GRK7: variants seen among roughly 807,000 people sequenced by gnomAD.
The protein encoded by GRK7 is rhodopsin kinase GRK7.
GRK7 carries 24 observed loss-of-function variants against 34.1 expected under a neutral mutation model. The ratio of observed to expected loss-of-function variants is 0.70; its 90% CI spans 0.51 to 0.99. The LOEUF (loss-of-function observed/expected upper bound fraction) is 0.99, where lower values mean the gene tolerates loss of function less well. Ranked by LOEUF, GRK7 falls within the 50% of genes least tolerant of loss-of-function variation. GRK7 has a pLI of 0.00. For missense variants in GRK7, 644 were observed against 707.3 expected, an observed-to-expected ratio of 0.91 and a Z score of 1.02; for synonymous variants, 256 against 279.4, an observed-to-expected ratio of 0.92 and a Z score of 0.84.
intron 5 of GRK7, 63 bp downstream of exon 5, chr3:141,807,982 T>C: frequency 7.1e-7 from 1 of 1,412,068 alleles, no homozygotes; most frequent in Non-Finnish European, 9.5e-7. Context: ...ATTAGGAGAA[T>C]ACTTTTGATT....
chr3:141,791,209 G>T (rs982296370), intron 4 of GRK7, among the ~76,000 whole-genome samples: 9 of 152,228 alleles, frequency 5.9e-5, no homozygotes, highest in African/African-American at 1.9e-4. Flanking sequence ...GGGAGACAGA[G>T]GTTTGGTATT....
intron 4 of GRK7, among the ~76,000 whole-genome samples, chr3:141,798,184 A>G (rs1025184134): frequency 1.3e-5 from 2 of 152,134 alleles, no homozygotes; most frequent in Non-Finnish European, 2.9e-5. Flanking sequence ...ACCTTCCCCA[A>G]TGTCTGGACA....
At chr3:141,805,871 A>G (rs1014081806) in intron 4 of GRK7, among the ~76,000 whole-genome samples, 1 of 152,154 alleles carries the variant, frequency 6.6e-6, no homozygotes, top group South Asian at 2.1e-4. Context: ...CGTCTATCGC[A>G]CTACAGCCTC....
chr3:141,794,949 A>G (rs569314220), intron 4 of GRK7, among the ~76,000 whole-genome samples: 25 of 152,310 alleles, frequency 1.6e-4, no homozygotes, highest in Non-Finnish European at 2.9e-4. Context: ...GGAACCAGGC[A>G]AACAAATGCC....
At chr3:141,813,973 T>G (rs1711121532) in intron 5 of GRK7, among the ~76,000 whole-genome samples, 1 of 152,188 alleles carries the variant, frequency 6.6e-6, no homozygotes, top group African/African-American at 2.4e-5. Context: ...GTTATCCTCA[T>G]TCTTGTTATT....
At chr3:141,791,725 C>T (rs568825162) in intron 4 of GRK7, among the ~76,000 whole-genome samples, 1 of 152,110 alleles carries the variant, frequency 6.6e-6, no homozygotes, top group African/African-American at 2.4e-5. Flanking sequence ...GAGGGATAGC[C>T]AGGTGCCGTG....
rs916268235 is a variant in GRK7 at position 141,764,939 on chromosome 3, A to G, written c.-1014A>G. Among the ~76,000 whole-genome samples the G allele has an allele frequency of 6.6e-5, 10 of 152,020 alleles. No homozygotes were observed. The highest frequency in any genetic ancestry group is 2.9e-5 in the Non-Finnish European group (2 of 67,996). On this transcript the variant is annotated 5_prime_UTR_variant, in exon 1 of 6. Coordinates refer to ENST00000682958, the MANE Select transcript of GRK7 (RefSeq NM_139209.3). ...CCCACAATCCATCCATAAGCAAACT[A>G]TCTTCCCCCTCCCCTGATTTCTCAC... is the stretch of plus-strand genomic sequence containing the variant.
chr3:141,780,054 G>A (rs2084663645), intron 3 of GRK7, among the ~76,000 whole-genome samples: 1 of 152,184 alleles, frequency 6.6e-6, no homozygotes, highest in African/African-American at 2.4e-5. Context: ...AGGGCATATG[G>A]TGATACTATG....
chr3:141,768,313 A>C (rs1577909516), intron 1 of GRK7, among the ~76,000 whole-genome samples: 1 of 137,218 alleles, frequency 7.3e-6, no homozygotes, highest in East Asian at 2.1e-4. Context: ...TCTCTTCCCC[A>C]GGAGTGCAGT....
chr3:141,777,762 C>T (rs776368300), intron 2 of GRK7, among the ~76,000 whole-genome samples: 7 of 152,034 alleles, frequency 4.6e-5, no homozygotes, highest in Non-Finnish European at 7.4e-5. Flanking sequence ...CTGTAACCTG[C>T]TCTTCGTGTC....
upstream of GRK7, among the ~76,000 whole-genome samples, chr3:141,760,908 G>A (rs1452529484): frequency 6.7e-5 from 2 of 30,062 alleles, no homozygotes; most frequent in Non-Finnish European, 1.3e-4. Flanking sequence ...TTGGTTTAAA[G>A]TCTGTTTTAT....
intron 4 of GRK7, among the ~76,000 whole-genome samples, chr3:141,781,435 G>A (rs936255783): frequency 6.6e-6 from 1 of 151,796 alleles, no homozygotes; most frequent in African/African-American, 2.4e-5. Flanking sequence ...TACTCGGGAG[G>A]TTGAGGCAGG....
upstream of GRK7, among the ~76,000 whole-genome samples, chr3:141,762,400 G>C (rs1256811203): frequency 1.4e-5 from 2 of 145,192 alleles, no homozygotes; most frequent in Non-Finnish European, 3.0e-5. Flanking sequence ...TGCCCCTGCT[G>C]GGGGGTGCCT....
chr3:141,814,896 T>C (rs1711134439), intron 5 of GRK7, among the ~76,000 whole-genome samples: 1 of 151,806 alleles, frequency 6.6e-6, no homozygotes, highest in Admixed American at 6.6e-5. Flanking sequence ...TTTTTGTTTG[T>C]TTGTTTGGTT....
chr3:141,779,409 C>CAAAAAAAAAAAAAAAAAAAAAA (rs10626329), intron 3 of GRK7, among the ~76,000 whole-genome samples: 4 of 96,498 alleles, frequency 4.1e-5, no homozygotes, highest in Admixed American at 1.2e-4. Context: ...GAGCAAGACT[C>CAAAAAAAAAAAAAAAAAAAAAA]AAAAAAAAAA....
intron 5 of GRK7, among the ~76,000 whole-genome samples, chr3:141,808,795 A>G (rs1305684775): frequency 6.6e-6 from 1 of 152,064 alleles, no homozygotes; most frequent in Admixed American, 6.6e-5. Flanking sequence ...AATGAGTATA[A>G]ATTTTCTGTT....
rs868864461 is a variant in GRK7, at chr3:141,778,317, C to G, written c.33C>G (p.Ile11Met). MVDMGALDNL[I>M]ANTAYLQARK... is the part of the protein sequence containing the mutation. ...ACATGGGGGCCCTGGACAACCTGAT[C>G]GCCAACACCGCCTACCTGCAGGCCC... The change falls in exon 3 of 6, where the codon ATC becomes ATG. Residue 11 changes from isoleucine to methionine, a missense_variant. Transcript: ENST00000682958. The surrounding 1 kb of genome is among the most constrained non-coding windows in gnomAD (Gnocchi z 4.1). The G allele has an allele frequency of 6.3e-7, 1 of 1,591,320 alleles. No individual in the cohort carries two copies. The highest frequency in any genetic ancestry group is 1.3e-5 in the African/African-American group (1 of 74,546).
chr3:141,805,619 G>A (rs1711029368), intron 4 of GRK7, among the ~76,000 whole-genome samples: 1 of 152,138 alleles, frequency 6.6e-6, no homozygotes, highest in African/African-American at 2.4e-5. Flanking sequence ...TTAGATCCTA[G>A]TCACTTCCAG....
At position 141,778,108 on chromosome 3, in the gene GRK7, A is replaced by G; in HGVS notation, c.-113-64A>G. The G allele has an allele frequency of 4.1e-6, 3 of 726,154 alleles. No homozygotes were observed. Among genetic ancestry groups the G allele is most frequent in the Non-Finnish European group, 6.6e-6 (3 of 456,286 alleles). The allele number at this position is 726,154 out of a possible 1,614,324, so 45.0% of individuals were successfully genotyped here. A position where few individuals can be genotyped will look rare whatever the true frequency, so the allele number is the denominator to read the frequency against. On this transcript the variant is annotated intron_variant, in intron 2 of 5. Coordinates refer to ENST00000682958, the MANE Select transcript of GRK7 (RefSeq NM_139209.3). The surrounding 1 kb of genome is among the most constrained non-coding windows in gnomAD (Gnocchi z 4.1). ...GTGTGCAGTTCCTGGCGGGCTATAC[A>G]TAGCCAGTCAAAGCTTCTTACAAGA...
Sources: allele counts gnomAD v4.1 joint callset (sites outside exome capture counted in the v4.1 genomes callset), GRCh38; gene constraint gnomAD v4.1.1; non-coding constraint Gnocchi (gnomAD v3.1); transcripts MANE v1.5; gene names NCBI Gene and HGNC (gene_info 2026-07-23, HGNC 2026-07-21).